The following MATR3 variants were observed in gnomAD, a reference collection of about 807,000 sequenced individuals.
MATR3 encodes the protein matrin 3, also known as matrin-3.
A neutral mutation model predicts 85.5 loss-of-function variants in MATR3; 4 were observed. The observed-to-expected ratio is 0.05, with a 90% confidence interval of 0.02 to 0.11. The LOEUF (loss-of-function observed/expected upper bound fraction) is 0.11, where lower values mean the gene tolerates loss of function less well. Ranked by LOEUF, MATR3 falls within the 10% of genes least tolerant of loss-of-function variation. The pLI is 1.00. For missense variants in MATR3, 685 were observed against 1,016.1 expected, an observed-to-expected ratio of 0.67 and a Z score of 4.43; for synonymous variants, 336 against 343.1, an observed-to-expected ratio of 0.98 and a Z score of 0.23.
At position 139,325,592 on chromosome 5, in the gene MATR3, T is replaced by C. The variant is rs748749843; in HGVS notation, c.2301T>C (p.Asp767=). 6 of 1,614,194 alleles carry C rather than the reference T, an allele frequency of 3.7e-6. No individual in the cohort carries two copies. The highest frequency in any genetic ancestry group is 4.2e-6 in the Non-Finnish European group (5 of 1,180,036). ...GTGAAAACGCAGATGGTCAAAGTGA[T>C]GAGAACAAGGACGACTATACAATCC... The part of the protein sequence containing the change: ...DTSENADGQS[D]ENKDDYTIPD... Residue 767 remains aspartate, a synonymous_variant, in exon 13 of 15, where the codon GAT becomes GAC. Coordinates refer to ENST00000394805, the MANE Select transcript of MATR3 (RefSeq NM_018834.6).
In MATR3 at chr5:139,288,197, C is replaced by T. The variant is rs140025316; in HGVS notation, c.-178+9068C>T. 5.9e-4 allele frequency among the ~76,000 whole-genome samples: 90 copies of T among 152,188 alleles called. No homozygotes were observed. In the East Asian group the frequency reaches 0.016, roughly 26 times the overall value. ...CTAGTGCACTCCAGCCTGGGAAACA[C>T]GAGACCCTGTCTCAAAAAACAAACA... On this transcript the variant is annotated intron_variant, in intron 3 of 16. Transcript: ENST00000509990.
intron 4 of MATR3, 67 bp downstream of exon 4, chr5:139,315,805 C>T: frequency 7.9e-7 from 1 of 1,264,080 alleles, no homozygotes. Flanking sequence ...GTTTCACTTT[C>T]AACATTTCAT....
rs187736259 is a variant in MATR3 at position 139,303,207 on chromosome 5, T to A, written c.-177-4032T>A. On this transcript the variant is annotated intron_variant, in intron 1 of 14. Transcript: ENST00000394805. The stretch of plus-strand genomic sequence containing the variant: ...GCCTCCATCTCCCAGGTTCAAGTGA[T>A]TCTCCGGCCTTAGCCTCCCACGTAG... Among the ~76,000 whole-genome samples, 119 of 152,326 alleles carry A rather than the reference T, an allele frequency of 7.8e-4. 2 individuals are homozygous for A. The East Asian group carries it at 0.023, about 29-fold the overall frequency.
intron 3 of MATR3, chr5:139,315,063 T>C (rs1419409059): frequency 3.9e-6 from 1 of 257,600 alleles, no homozygotes; most frequent in African/African-American, 2.2e-5. Context: ...TAATAATACA[T>C]GCTCTAAAAA....
intron 12 of MATR3, 78 bp downstream of exon 12, chr5:139,323,045 T>A (rs1755660237): frequency 7.3e-7 from 1 of 1,374,014 alleles, no homozygotes; most frequent in Non-Finnish European, 1.0e-6. Flanking sequence ...CTAAGCAGGA[T>A]CAGATAGAAT....
rs79104307 is a variant in MATR3 at position 139,309,191 on chromosome 5, A to G, written c.912+864A>G. ...TAAATATGTTGTCCTTTCTCTTTCA[A>G]CTTTTTCAGTGTTACTCATTCTGAC... On this transcript the variant is annotated intron_variant, in intron 2 of 14. Transcript: ENST00000394805. 9.5e-3 allele frequency among the ~76,000 whole-genome samples: 1,442 copies of G among 152,208 alleles called. 26 individuals carry two copies. The highest frequency in any genetic ancestry group is 0.034 in the African/African-American group (1,406 of 41,522).
Position 139,330,094 on chromosome 5 carries a change from A to T in MATR3, c.*699A>T. On this transcript the variant is annotated 3_prime_UTR_variant, in exon 15 of 15. Transcript: ENST00000394805. ...TATCTTTGACCAGTATTAATTTTTGAGATCTTACTGCTTGTCACTTGAATC... is the reference window on the plus strand; with the variant it reads ...TATCTTTGACCAGTATTAATTTTTGTGATCTTACTGCTTGTCACTTGAATC... The T allele has an allele frequency of 2.2e-6, 1 of 454,508 alleles. No individual in the cohort carries two copies. The highest frequency in any genetic ancestry group is 4.4e-6 in the Non-Finnish European group (1 of 226,784). 28.2% of individuals were successfully genotyped at this position (454,508 alleles called of 1,614,324 possible).
intron 4 of MATR3, 48 bp downstream of exon 4, chr5:139,315,786 G>A (rs763800053): frequency 7.1e-7 from 1 of 1,417,110 alleles, no homozygotes; most frequent in Non-Finnish European, 1.0e-6. Context: ...ATCAATGTAA[G>A]GAATTCAGGT....
At chr5:139,291,332 T>A (rs1753863185), upstream of MATR3, among the ~76,000 whole-genome samples, 1 of 152,256 alleles carries the variant, frequency 6.6e-6, no homozygotes, top group African/African-American at 2.4e-5. Context: ...ATTGGTTTAA[T>A]GTCTGCATAA....
Position 139,330,214 on chromosome 5 carries a change from TG to T in MATR3, c.*820del, listed in dbSNP as rs1187786329. 2.2e-6 allele frequency: 1 copy of T among 454,316 alleles called. No homozygotes were observed. The highest frequency in any genetic ancestry group is 2.0e-5 in the African/African-American group (1 of 50,026). 28.1% of individuals were successfully genotyped at this position (454,316 alleles called of 1,614,324 possible). A position where few individuals can be genotyped will look rare whatever the true frequency, so the allele number is the denominator to read the frequency against. ...TTTTCAAGATGTAATTTTACATTTC[TG>T]CATTTTTAAAACAGTTTGGCCATAA... On this transcript the variant is annotated 3_prime_UTR_variant, in exon 15 of 15. Coordinates refer to ENST00000394805, the MANE Select transcript of MATR3 (RefSeq NM_018834.6).
chr5:139,278,658 G>C, intron 2 of MATR3: 1 of 383,472 alleles, frequency 2.6e-6, no homozygotes, highest in Non-Finnish European at 5.3e-6. Flanking sequence ...TAAAGGGTTT[G>C]ACAACAGGGT....
At position 139,331,187 on chromosome 5, in the gene MATR3, T is replaced by A. The variant is rs1278885074; in HGVS notation, c.*1792T>A. 1 of 454,134 alleles carries A rather than the reference T, an allele frequency of 2.2e-6. No homozygotes were observed. The highest frequency in any genetic ancestry group is 4.4e-6 in the Non-Finnish European group (1 of 226,796). 28.1% of individuals were successfully genotyped at this position (454,134 alleles called of 1,614,324 possible). On this transcript the variant is annotated 3_prime_UTR_variant, in exon 15 of 15. Transcript: ENST00000394805. ...CCAGTTTATTAAAGGATACTTCAAATAGTTGGCTAAATTTTATGATCTCTC... is the reference window on the plus strand; with the variant it reads ...CCAGTTTATTAAAGGATACTTCAAAAAGTTGGCTAAATTTTATGATCTCTC...
intron 1 of MATR3, among the ~76,000 whole-genome samples, chr5:139,303,541 TGGCCAACATGGTG>T (rs923490873): frequency 2.6e-5 from 4 of 152,120 alleles, no homozygotes; most frequent in Non-Finnish European, 2.9e-5. Context: ...GAGACCAGCC[TGGCCAACATGGTG>T]AAAACCCCCT....
At position 139,307,399 on chromosome 5, in the gene MATR3, C is replaced by A; in HGVS notation, c.-17C>A. ...TTTTTTTTTTAATCTATAAAATAGA[C>A]AAGAGCTAGTTCTACAATGTCCAAG... On this transcript the variant is annotated 5_prime_UTR_variant, in exon 2 of 15. Coordinates refer to ENST00000394805, the MANE Select transcript of MATR3 (RefSeq NM_018834.6). The surrounding 1 kb of genome is among the most constrained non-coding windows in gnomAD (Gnocchi z 4.4). 1 of 1,608,954 alleles carries A rather than the reference C, an allele frequency of 6.2e-7. No individual in the cohort carries two copies. The highest frequency in any genetic ancestry group is 8.5e-7 in the Non-Finnish European group (1 of 1,177,544).
rs1380287945 is a variant in MATR3, at chr5:139,331,661, T to G, written c.*2266T>G. The G allele has an allele frequency of 1.1e-5, 5 of 443,504 alleles. No individual in the cohort carries two copies. The highest frequency in any genetic ancestry group is 1.4e-4 in the East Asian group (2 of 14,332). The allele number at this position is 443,504 out of a possible 1,614,324, so 27.5% of individuals were successfully genotyped here. On this transcript the variant is annotated 3_prime_UTR_variant, in exon 15 of 15. Coordinates refer to ENST00000394805, the MANE Select transcript of MATR3 (RefSeq NM_018834.6). ...ATTATCCTACAAAAGTGAATGAAAC[T>G]TCTAGAAGTACCTTGAGTTTGTTTT...
intron 7 of MATR3, 77 bp downstream of exon 7, chr5:139,317,798 A>G: frequency 5.8e-6 from 8 of 1,383,424 alleles, no homozygotes; most frequent in Non-Finnish European, 7.9e-6. Flanking sequence ...ATGATTTTGT[A>G]TTAGAAAAAT....
chr5:139,274,342 C>A, intron 1 of MATR3: 1 of 345,494 alleles, frequency 2.9e-6, no homozygotes, highest in East Asian at 7.6e-5. Context: ...TTTCTACCAT[C>A]CCTCTTCCCT....
At chr5:139,309,848 C>T (rs1754882622) in intron 2 of MATR3, among the ~76,000 whole-genome samples, 1 of 152,080 alleles carries the variant, frequency 6.6e-6, no homozygotes, top group African/African-American at 2.4e-5. Context: ...CTGGTGACTC[C>T]AATTTTTTCT....
chr5:139,318,452 TTTTTG>T (rs1219697182), intron 7 of MATR3, among the ~76,000 whole-genome samples: 9 of 151,362 alleles, frequency 5.9e-5, no homozygotes, highest in Non-Finnish European at 1.2e-4. Flanking sequence ...TGTTCGTTTG[TTTTTG>T]TTTTGTTTTG....
Sources: gnomAD v4.1 joint callset for allele counts (sites outside exome capture counted in the v4.1 genomes callset) on GRCh38, gnomAD v4.1.1 for gene constraint, Gnocchi (gnomAD v3.1) non-coding constraint, MANE v1.5 for transcripts, NCBI Gene and HGNC (gene_info 2026-07-23, HGNC 2026-07-21) for gene names.